The following OR7C1 variants were observed in gnomAD, a reference collection of about 807,000 sequenced individuals.
OR7C1 encodes the protein olfactory receptor 7C1.
For synonymous variants in OR7C1, 152 were observed against 160.7 expected (o/e 0.95, Z 0.41); for missense variants, 324 against 383.3 (o/e 0.85, Z 1.29).
chr19:14,822,301 T>C (rs375113058), intron 1 of OR7C1, among the ~76,000 whole-genome samples: 12 of 151,686 alleles, frequency 7.9e-5, no homozygotes, highest in African/African-American at 2.9e-4. Flanking sequence ...ATGCTTGTAC[T>C]ACCTTAAGTT....
At chr19:14,824,000 G>GC (rs578131751) in intron 1 of OR7C1, among the ~76,000 whole-genome samples, 225 of 151,112 alleles carry the variant, frequency 1.5e-3, no homozygotes, top group Non-Finnish European at 3.0e-3. Context: ...TGGTCAATGT[G>GC]CCCCAATACA....
intron 1 of OR7C1, among the ~76,000 whole-genome samples, chr19:14,817,383 T>G (rs553129847): frequency 7.9e-5 from 12 of 152,326 alleles, no homozygotes; most frequent in African/African-American, 2.9e-4. Context: ...CTTTAAAAAA[T>G]AGTGGTCATC....
chr19:14,821,675 T>C (rs59142616), intron 1 of OR7C1, among the ~76,000 whole-genome samples: 2,291 of 152,330 alleles, frequency 0.015, 55 homozygotes, highest in African/African-American at 0.053. Context: ...ACCCTTATCA[T>C]ATATGATGTG....
At chr19:14,820,206 C>T (rs537662248) in intron 1 of OR7C1, among the ~76,000 whole-genome samples, 7 of 152,240 alleles carry the variant, frequency 4.6e-5, no homozygotes, top group African/African-American at 7.2e-5. Flanking sequence ...GCCACTGCGC[C>T]GGGATAGATC....
chr19:14,799,005 T>C, exon 5 of OR7C1: 1 of 723,108 alleles, frequency 1.4e-6, no homozygotes, highest in Non-Finnish European at 2.0e-6. Context: ...CGGGGAAACC[T>C]TGCCAAGGAC....
chr19:14,830,835 C>T (rs1369692682), intron 1 of OR7C1, among the ~76,000 whole-genome samples: 1 of 152,136 alleles, frequency 6.6e-6, no homozygotes, highest in Non-Finnish European at 1.5e-5. Flanking sequence ...GGACACACAA[C>T]CCTCGTGTGC....
intron 2 of OR7C1, among the ~76,000 whole-genome samples, chr19:14,804,465 C>A (rs558719492): frequency 6.6e-6 from 1 of 152,146 alleles, no homozygotes; most frequent in African/African-American, 2.4e-5. Context: ...TCCAGAGTCG[C>A]CACACTATAA....
chr19:14,802,257 C>T (rs377308074), intron 2 of OR7C1, among the ~76,000 whole-genome samples: 7 of 152,330 alleles, frequency 4.6e-5, no homozygotes, highest in Admixed American at 2.0e-4. Context: ...TGGTGGCTCA[C>T]GCCTGTAATC....
At chr19:14,804,656 A>AAACGAGTCGCAGGAT (rs1166229790) in intron 2 of OR7C1, among the ~76,000 whole-genome samples, 3 of 151,902 alleles carry the variant, frequency 2.0e-5, no homozygotes, top group East Asian at 1.9e-4. Flanking sequence ...CACAATACAT[A>AAACGAGTCGCAGGAT]AACGAGTCGC....
exon 5 of OR7C1, chr19:14,799,882 T>A (rs907797641): frequency 6.2e-7 from 1 of 1,614,066 alleles, no homozygotes; most frequent in Non-Finnish European, 8.5e-7. Flanking sequence ...TCTGTGTCAG[T>A]ATATTCAGTA....
At chr19:14,804,130 TG>T (rs1443852891) in intron 2 of OR7C1, among the ~76,000 whole-genome samples, 2 of 152,184 alleles carry the variant, frequency 1.3e-5, no homozygotes, top group Non-Finnish European at 2.9e-5. Flanking sequence ...CACCTGTAGC[TG>T]ATATTCAAGC....
chr19:14,811,417 T>G (rs1039655591), intron 1 of OR7C1, among the ~76,000 whole-genome samples: 2 of 151,938 alleles, frequency 1.3e-5, no homozygotes, highest in African/African-American at 4.8e-5. Context: ...GTGTGTTTTC[T>G]CCTGTGCATG....
intron 1 of OR7C1, among the ~76,000 whole-genome samples, chr19:14,834,709 T>C (rs1379939034): frequency 1.3e-5 from 2 of 152,214 alleles, no homozygotes; most frequent in Non-Finnish European, 2.9e-5. Flanking sequence ...GAAATGTCTT[T>C]ACATGACTGT....
At position 14,827,451 on chromosome 19, in the gene OR7C1, G is replaced by A. The variant is rs1181173330; in HGVS notation, c.-623+7623C>T. Reference sequence around the variant, plus strand: ...TGCACTTGAGTGTGAGTTGCGGGTGGCAGCAGAACTAAGGTACACCCCTAG... The same window carrying A: ...TGCACTTGAGTGTGAGTTGCGGGTGACAGCAGAACTAAGGTACACCCCTAG... On this transcript the variant is annotated intron_variant, in intron 1 of 4. Coordinates refer to ENST00000641666, the Ensembl canonical transcript of OR7C1. 15 of 1,613,980 alleles carry A rather than the reference G, an allele frequency of 9.3e-6. 3 individuals are homozygous for A. The South Asian group carries it at 1.6e-4, about 18-fold the overall frequency.
intron 1 of OR7C1, among the ~76,000 whole-genome samples, chr19:14,815,617 TG>T (rs1226558083): frequency 6.6e-6 from 1 of 152,162 alleles, no homozygotes; most frequent in African/African-American, 2.4e-5. Flanking sequence ...TTATAAATTG[TG>T]GGGGGTTTAA....
intron 1 of OR7C1, chr19:14,828,042 G>A (rs2145078112): frequency 3.1e-6 from 5 of 1,614,170 alleles, no homozygotes; most frequent in Non-Finnish European, 4.2e-6. Context: ...GTCAGCAAAG[G>A]ACAGGTTGGA....
chr19:14,804,031 A>G, intron 2 of OR7C1, among the ~76,000 whole-genome samples: 1 of 152,008 alleles, frequency 6.6e-6, no homozygotes. Flanking sequence ...TTTAACTCCT[A>G]TATCAGAAAG....
chr19:14,815,848 G>A (rs929830608), intron 1 of OR7C1, among the ~76,000 whole-genome samples: 2 of 151,522 alleles, frequency 1.3e-5, no homozygotes, highest in African/African-American at 4.9e-5. Context: ...TTGAGACAAG[G>A]TCTTGCTCTG....
chr19:14,823,332 A>G (rs1355138475), intron 1 of OR7C1, among the ~76,000 whole-genome samples: 3 of 152,100 alleles, frequency 2.0e-5, no homozygotes, highest in Admixed American at 6.5e-5. Flanking sequence ...TGTGCCTGTA[A>G]TCCCAGCTAC....
Sources: allele counts gnomAD v4.1 joint callset (sites outside exome capture counted in the v4.1 genomes callset), GRCh38; gene constraint gnomAD v4.1.1; transcripts MANE v1.5; gene names NCBI Gene and HGNC (gene_info 2026-07-23, HGNC 2026-07-21).